Variants in TBC1D5 observed in about 807,000 individuals in gnomAD.
The protein encoded by TBC1D5 is TBC1 domain family member 5.
A neutral mutation model predicts 100.3 loss-of-function variants in TBC1D5; 75 were observed. The observed-to-expected ratio is 0.75, with a 90% CI of 0.62 to 0.91. The LOEUF is 0.91. TBC1D5 is among the 40% of genes least tolerant of loss of function. The pLI, the probability that TBC1D5 is intolerant of heterozygous loss-of-function variation, is 0.00. For synonymous variants in TBC1D5, 323 were observed against 325.6 expected (o/e 0.99, Z 0.09); for missense variants, 910 against 942.4 (o/e 0.97, Z 0.45).
intron 2 of TBC1D5, among the ~76,000 whole-genome samples, chr3:17,568,565 C>T (rs1190607034): frequency 6.6e-6 from 1 of 151,268 alleles, no homozygotes; most frequent in African/African-American, 2.4e-5. Flanking sequence ...CTAAATCTCC[C>T]TTATTTGAAA....
At chr3:17,669,214 A>T (rs2067640779) in intron 1 of TBC1D5, among the ~76,000 whole-genome samples, 1 of 152,102 alleles carries the variant, frequency 6.6e-6, no homozygotes, top group Non-Finnish European at 1.5e-5. Flanking sequence ...CCATGTGAAG[A>T]AGGACGAGTT....
At chr3:17,273,254 T>A (rs142241703) in intron 15 of TBC1D5, among the ~76,000 whole-genome samples, 8 of 152,106 alleles carry the variant, frequency 5.3e-5, no homozygotes, top group African/African-American at 1.9e-4. Flanking sequence ...ATCTTCTCCA[T>A]ACACTCCTTC....
rs548312549 is a variant in TBC1D5, at chr3:17,579,930, C to T, written c.-36+43919G>A. Among the ~76,000 whole-genome samples the T allele has an allele frequency of 1.6e-3, 251 of 152,148 alleles. 2 individuals are homozygous for T. The highest frequency in any genetic ancestry group is 5.8e-3 in the African/African-American group (242 of 41,538). On this transcript the variant is annotated intron_variant, in intron 2 of 21. Transcript: ENST00000253692. The stretch of plus-strand genomic sequence containing the variant: ...GAAAATGTGAGAATTCTTCTAATGC[C>T]ATTATTGTATCCCATATTTATCAAG...
intron 3 of TBC1D5, among the ~76,000 whole-genome samples, chr3:17,501,935 T>C (rs2095792045): frequency 6.7e-6 from 1 of 149,816 alleles, no homozygotes; most frequent in South Asian, 2.1e-4. Context: ...TGTTATTCAC[T>C]GTCAGCAAAT....
chr3:17,438,326 G>C (rs1346667958), intron 3 of TBC1D5, among the ~76,000 whole-genome samples: 3 of 152,252 alleles, frequency 2.0e-5, no homozygotes, highest in African/African-American at 7.2e-5. Context: ...TAAAAGATTT[G>C]ATATGGTTTG....
At chr3:17,732,414 C>G (rs1351311818) in intron 1 of TBC1D5, among the ~76,000 whole-genome samples, 1 of 151,928 alleles carries the variant, frequency 6.6e-6, no homozygotes, top group African/African-American at 2.4e-5. Context: ...TTCAACCACT[C>G]AGTTACTATT....
chr3:17,674,899 A>C (rs764144823), intron 1 of TBC1D5, among the ~76,000 whole-genome samples: 7 of 152,084 alleles, frequency 4.6e-5, no homozygotes, highest in African/African-American at 7.2e-5. Context: ...TTTTATCCTG[A>C]AACTACTCTT....
At chr3:17,553,986 T>C (rs2096494715) in intron 2 of TBC1D5, among the ~76,000 whole-genome samples, 1 of 152,216 alleles carries the variant, frequency 6.6e-6, no homozygotes, top group South Asian at 2.1e-4. Flanking sequence ...TCCCTAAACA[T>C]TCAGCCTACT....
rs567128581 is a variant in TBC1D5, at chr3:17,386,371, T to C, written c.510-2356A>G. On this transcript the variant is annotated intron_variant, in intron 8 of 21. Coordinates refer to ENST00000253692, the Ensembl canonical transcript of TBC1D5. Reference sequence around the variant, plus strand: ...GTACTAAAAACTACTACATTAACTTTGCAAAGAGTATCCATAAACTATAAA... The same window carrying C: ...GTACTAAAAACTACTACATTAACTTCGCAAAGAGTATCCATAAACTATAAA... Among the ~76,000 whole-genome samples, 874 of 152,252 alleles carry C rather than the reference T, an allele frequency of 5.7e-3. 8 individuals are homozygous for C. The highest frequency in any genetic ancestry group is 0.017 in the South Asian group (82 of 4,818).
At chr3:17,394,812 G>A (rs1377454563) in intron 8 of TBC1D5, among the ~76,000 whole-genome samples, 1 of 151,994 alleles carries the variant, frequency 6.6e-6, no homozygotes, top group Non-Finnish European at 1.5e-5. Flanking sequence ...CGGGCGCTAG[G>A]GATATGAAGG....
At chr3:17,676,916 T>C (rs1383980064) in intron 1 of TBC1D5, among the ~76,000 whole-genome samples, 2 of 152,336 alleles carry the variant, frequency 1.3e-5, no homozygotes, top group East Asian at 3.9e-4. Context: ...ATTCCCTATT[T>C]AATAAATGGT....
rs565457874 is a variant in TBC1D5 at position 17,640,054 on chromosome 3, C to T, written c.-100-16141G>A. Among the ~76,000 whole-genome samples, 253 of 152,218 alleles carry T rather than the reference C, an allele frequency of 1.7e-3. 2 individuals are homozygous for T. Among genetic ancestry groups the T allele is most frequent in the African/African-American group, 5.9e-3 (244 of 41,544 alleles). ...ATACAAACAGCCCCCTTCACCTCTACAGAGAAAAGACAAAGGTGAGATAAC... is the reference window on the plus strand; with the variant it reads ...ATACAAACAGCCCCCTTCACCTCTATAGAGAAAAGACAAAGGTGAGATAAC... On this transcript the variant is annotated intron_variant, in intron 1 of 21. Transcript: ENST00000253692.
At chr3:17,536,407 AC>A (rs1231853660) in intron 2 of TBC1D5, among the ~76,000 whole-genome samples, 5 of 152,244 alleles carry the variant, frequency 3.3e-5, no homozygotes, top group Non-Finnish European at 7.3e-5. Flanking sequence ...ATATTTACCA[AC>A]TTATCCATTT....
intron 1 of TBC1D5, among the ~76,000 whole-genome samples, chr3:17,691,064 T>G (rs1198799707): frequency 6.6e-6 from 1 of 152,230 alleles, no homozygotes; most frequent in Non-Finnish European, 1.5e-5. Flanking sequence ...AAACCAGCTC[T>G]CATTCTAACG....
At chr3:17,673,369 G>C (rs1044300760) in intron 1 of TBC1D5, among the ~76,000 whole-genome samples, 1 of 146,934 alleles carries the variant, frequency 6.8e-6, no homozygotes, top group Non-Finnish European at 1.5e-5. Context: ...GAGTACGGTG[G>C]CATGATCTCG....
chr3:17,667,108 TG>T (rs1265933005), intron 1 of TBC1D5, among the ~76,000 whole-genome samples: 1 of 152,238 alleles, frequency 6.6e-6, no homozygotes, highest in Non-Finnish European at 1.5e-5. Flanking sequence ...TACTTCTAGC[TG>T]CTGGATGAAA....
intron 18 of TBC1D5, among the ~76,000 whole-genome samples, chr3:17,194,058 T>C (rs1308940494): frequency 6.6e-6 from 1 of 152,228 alleles, no homozygotes; most frequent in Non-Finnish European, 1.5e-5. Flanking sequence ...TCTGATTTAG[T>C]AGGTCTGGGT....
At chr3:17,638,260 A>G in intron 1 of TBC1D5, among the ~76,000 whole-genome samples, 1 of 152,160 alleles carries the variant, frequency 6.6e-6, no homozygotes, top group East Asian at 1.9e-4. Context: ...AGTCAATTTT[A>G]GAACATTTTT....
At chr3:17,640,539 A>G (rs2064396695) in intron 1 of TBC1D5, among the ~76,000 whole-genome samples, 1 of 152,110 alleles carries the variant, frequency 6.6e-6, no homozygotes, top group African/African-American at 2.4e-5. Context: ...AAAAAAGAAC[A>G]TTATAAAAGA....
Sources: allele counts gnomAD v4.1 joint callset (sites outside exome capture counted in the v4.1 genomes callset), GRCh38; gene constraint gnomAD v4.1.1; transcripts MANE v1.5; gene names NCBI Gene and HGNC (gene_info 2026-07-23, HGNC 2026-07-21).